Variants in ALOX15B observed in about 807,000 individuals in gnomAD.
The protein encoded by ALOX15B is polyunsaturated fatty acid lipoxygenase ALOX15B.
A neutral mutation model predicts 73.8 loss-of-function variants in ALOX15B; 74 were observed. That is an observed-to-expected ratio of 1.00 (90% CI 0.83 to 1.22). ALOX15B has a LOEUF of 1.22. Ranked by LOEUF, ALOX15B falls within the 50% of genes most tolerant of loss-of-function variation. The pLI is 0.00. For synonymous variants in ALOX15B, 353 were observed against 357.2 expected, an observed-to-expected ratio of 0.99 and a Z score of 0.13; for missense variants, 896 against 859.9, an observed-to-expected ratio of 1.04 and a Z score of -0.52.
At chr17:8,042,590 A>C in intron 4 of ALOX15B, 99 bp downstream of exon 4, 1 of 1,506,040 alleles carries the variant, frequency 6.6e-7, no homozygotes, top group Non-Finnish European at 9.1e-7. Context: ...CAGTGATATG[A>C]GTCACATAGT....
chr17:8,042,081 C>G (rs1976478426), intron 3 of ALOX15B, among the ~76,000 whole-genome samples: 1 of 152,216 alleles, frequency 6.6e-6, no homozygotes, highest in Non-Finnish European at 1.5e-5. Context: ...CTCTCTGGCT[C>G]AGCCCCAATG....
At chr17:8,042,706 G>A in intron 4 of ALOX15B, 75 bp from the exon 5 acceptor site, 5 of 1,419,042 alleles carry the variant, frequency 3.5e-6, no homozygotes, top group Non-Finnish European at 4.8e-6. Context: ...GATCCCAAGA[G>A]GCATAAGGCT....
chr17:8,048,276 A>G, intron 13 of ALOX15B, 110 bp from the exon 14 acceptor site: 2 of 1,336,012 alleles, frequency 1.5e-6, no homozygotes, highest in East Asian at 2.4e-5. Context: ...CTTGGGGGCT[A>G]GGGCCAGAGC....
At chr17:8,040,629 A>AAGAGAG (rs1976427771) in intron 3 of ALOX15B, among the ~76,000 whole-genome samples, 1 of 130,348 alleles carries the variant, frequency 7.7e-6, no homozygotes, top group African/African-American at 2.6e-5. Flanking sequence ...GAAAGAAAGA[A>AAGAGAG]AGAAAGAAAG....
rs959262356 is a variant in ALOX15B, at chr17:8,044,982, G to T, written c.830G>T (p.Ser277Ile). Residue 277 changes from serine (S) to isoleucine (I), a missense_variant, in exon 6 of 14, where the codon AGC becomes ATC. By Grantham distance (142) the Ser-to-Ile change is moderately radical. Coordinates refer to ENST00000380183, the MANE Select transcript of ALOX15B (RefSeq NM_001141.3). ...MVASVLGPGTSLQAELEKGSL... is the reference protein window; with the variant it reads ...MVASVLGPGTILQAELEKGSL... ...GCCTCAGTGTTGGGTCCTGGGACCA[G>T]CTTGCAGGCTGAGCTAGAGGTGAGG... 1 of 1,614,040 alleles carries T rather than the reference G, an allele frequency of 6.2e-7. No homozygotes were observed. The highest frequency in any genetic ancestry group is 8.5e-7 in the Non-Finnish European group (1 of 1,180,042).
chr17:8,039,363 A>G, intron 1 of ALOX15B, 23 bp from the exon 2 acceptor site: 1 of 1,605,810 alleles, frequency 6.2e-7, no homozygotes, highest in Non-Finnish European at 8.5e-7. Flanking sequence ...GTCCGGCCTG[A>G]CGCATACTTA....
intron 7 of ALOX15B, 35 bp from the exon 8 acceptor site, chr17:8,045,448 C>T: frequency 1.2e-6 from 2 of 1,613,798 alleles, no homozygotes; most frequent in Non-Finnish European, 1.7e-6. Context: ...GGAAGACACT[C>T]ATGGCTGCCT....
At chr17:8,041,513 A>T (rs948632232) in intron 3 of ALOX15B, among the ~76,000 whole-genome samples, 2 of 152,334 alleles carry the variant, frequency 1.3e-5, no homozygotes, top group African/African-American at 4.8e-5. Context: ...CAAGATCTCT[A>T]TGTGAGAGGG....
intron 3 of ALOX15B, among the ~76,000 whole-genome samples, chr17:8,041,209 C>T (rs961616631): frequency 5.9e-5 from 9 of 152,220 alleles, no homozygotes; most frequent in African/African-American, 1.4e-4. Context: ...CCTGCCAAAA[C>T]GAGCTGTGAG....
Position 8,042,352 on chromosome 17 carries a change from C to T in ALOX15B, c.450-17C>T. On this transcript the variant is annotated splice_polypyrimidine_tract_variant and intron_variant, in intron 3 of 13. Transcript: ENST00000380183. ...CCTGAGGCCTCTTGCTGACCACCTT[C>T]CCTCTCTACCCTCCAGGTGGAAGGC... The T allele has an allele frequency of 6.2e-7, 1 of 1,613,026 alleles. No homozygotes were observed. The highest frequency in any genetic ancestry group is 8.5e-7 in the Non-Finnish European group (1 of 1,179,598).
chr17:8,045,779 G>A, intron 8 of ALOX15B, 93 bp downstream of exon 8: 1 of 1,378,110 alleles, frequency 7.3e-7, no homozygotes, highest in Non-Finnish European at 1.0e-6. Flanking sequence ...CATGCAAGCT[G>A]GGATGCAGAG....
intron 11 of ALOX15B, 87 bp downstream of exon 11, chr17:8,047,466 C>G: frequency 1.9e-6 from 3 of 1,588,946 alleles, no homozygotes; most frequent in Non-Finnish European, 2.6e-6. Context: ...TGAGTGGCCC[C>G]GTCCCCGTGT....
rs761673689 is a variant in ALOX15B at position 8,047,068 on chromosome 17, A to G, written c.1449A>G (p.Ala483=). The part of the protein sequence containing the change: ...YRDDGMQIWG[A]VERFVSEIIG... ...ATGATGGGATGCAGATCTGGGGTGC[A>G]GTGGAACGGTGAGGGGCCGTCCCTG... The change falls in exon 10 of 14, where the codon GCA becomes GCG. Residue 483 remains alanine, a synonymous_variant. Coordinates refer to ENST00000380183, the MANE Select transcript of ALOX15B (RefSeq NM_001141.3). 1.3e-5 allele frequency: 21 copies of G among 1,613,512 alleles called. No homozygotes were observed. In the South Asian group the frequency reaches 2.1e-4, roughly 16 times the overall value.
intron 13 of ALOX15B, among the ~76,000 whole-genome samples, 198 bp downstream of exon 13, chr17:8,048,113 C>A (rs1976662868): frequency 6.6e-6 from 1 of 152,246 alleles, no homozygotes; most frequent in South Asian, 2.1e-4. Flanking sequence ...GAGCCACTCT[C>A]AGTAGCAAGG....
chr17:8,039,369 A>G lies in ALOX15B; in HGVS notation c.148-17A>G. On this transcript the variant is annotated splice_polypyrimidine_tract_variant and intron_variant, in intron 1 of 13. Transcript: ENST00000380183. ...AGCAGGAGGGTCCGGCCTGACGCAT[A>G]CTTAACCTCCCCTCAGGAGGAGGAC... 1 of 1,609,164 alleles carries G rather than the reference A, an allele frequency of 6.2e-7. No individual in the cohort carries two copies. The highest frequency in any genetic ancestry group is 8.5e-7 in the Non-Finnish European group (1 of 1,176,996).
At chr17:8,040,017 C>G in intron 3 of ALOX15B, 34 bp downstream of exon 3, 3 of 1,597,742 alleles carry the variant, frequency 1.9e-6, no homozygotes, top group Non-Finnish European at 2.6e-6. Flanking sequence ...GGAGGGTGTG[C>G]CCAAACGATG....
At chr17:8,043,010 A>G in intron 5 of ALOX15B, 126 bp downstream of exon 5, 1 of 707,802 alleles carries the variant, frequency 1.4e-6, no homozygotes, top group South Asian at 1.9e-5. Flanking sequence ...GCTAGACCTT[A>G]CTTTTCCCCA....
chr17:8,045,309 T>G lies in ALOX15B; in HGVS notation c.921T>G (p.Pro307=), dbSNP rs1976575016. The G allele has an allele frequency of 6.2e-7, 1 of 1,613,982 alleles. No homozygotes were observed. Among genetic ancestry groups the G allele is most frequent in the African/African-American group, 1.3e-5 (1 of 74,886 alleles). ...GIQTNVINGK[P]QFSAAPMTLL... ...AGACCAATGTCATTAATGGGAAGCC[T>G]CAGTTCTCTGCGGCCCCAATGACCC... Residue 307 remains proline, a synonymous_variant, in exon 7 of 14, where the codon CCT becomes CCG. Coordinates refer to ENST00000380183, the MANE Select transcript of ALOX15B (RefSeq NM_001141.3).
intron 11 of ALOX15B, 43 bp downstream of exon 11, chr17:8,047,422 C>T (rs1022164378): frequency 4.3e-6 from 7 of 1,610,098 alleles, no homozygotes; most frequent in Non-Finnish European, 5.9e-6. Flanking sequence ...GTGAGCCCAT[C>T]CCCGTGTCCC....
Sources: allele counts gnomAD v4.1 joint callset (sites outside exome capture counted in the v4.1 genomes callset), GRCh38; gene constraint gnomAD v4.1.1; transcripts MANE v1.5; gene names NCBI Gene and HGNC (gene_info 2026-07-23, HGNC 2026-07-21).